Variants in LRRTM4 observed in about 807,000 individuals in gnomAD.
The protein encoded by LRRTM4 is leucine-rich repeat transmembrane neuronal protein 4.
Under a neutral mutation model 47.6 loss-of-function variants are expected in LRRTM4, and 25 were observed. That is an observed-to-expected ratio of 0.53 (90% CI 0.38 to 0.73). LRRTM4 has a LOEUF of 0.73. LRRTM4 is among the 30% of genes least tolerant of loss of function. LRRTM4 has a pLI of 0.00. For missense variants in LRRTM4, 638 were observed against 713.4 expected, an observed-to-expected ratio of 0.89 and a Z score of 1.20; for synonymous variants, 311 against 269.5, an observed-to-expected ratio of 1.15 and a Z score of -1.51.
Position 77,521,765 on chromosome 2 carries a change from G to A in LRRTM4, c.-94C>T, listed in dbSNP as rs564352006. 16 of 1,420,324 alleles carry A rather than the reference G, an allele frequency of 1.1e-5. No individual in the cohort carries two copies. In the African/African-American group the frequency reaches 1.3e-4, roughly 11 times the overall value. 88.0% of individuals were successfully genotyped at this position (1,420,324 alleles called of 1,614,324 possible). A position where few individuals can be genotyped will look rare whatever the true frequency, so the allele number is the denominator to read the frequency against. ...CACCACCACCTTCATGACACAGTGC[G>A]GCTGTCATTCACACCATTCTGATCC... On this transcript the variant is annotated 5_prime_UTR_variant, in exon 2 of 4. Coordinates refer to ENST00000409884, the MANE Select transcript of LRRTM4 (RefSeq NM_001134745.3).
intron 3 of LRRTM4, among the ~76,000 whole-genome samples, chr2:76,891,819 T>C (rs1217784305): frequency 6.6e-6 from 1 of 151,692 alleles, no homozygotes; most frequent in Non-Finnish European, 1.5e-5. Flanking sequence ...GCCTTTCTAA[T>C]TACAACTCAA....
At chr2:77,087,701 C>T (rs1050449268) in intron 3 of LRRTM4, among the ~76,000 whole-genome samples, 1 of 151,916 alleles carries the variant, frequency 6.6e-6, no homozygotes, top group African/African-American at 2.4e-5. Context: ...TGGATGCATA[C>T]AAAATTAGTA....
At chr2:76,797,467 A>G (rs188895336) in intron 3 of LRRTM4, among the ~76,000 whole-genome samples, 75,532 of 151,634 alleles carry the variant, frequency 0.5, 19,636 homozygotes, top group East Asian at 0.68. Flanking sequence ...TGAAGAAAGC[A>G]CTAAACATGG....
chr2:77,203,163 A>G (rs566188620), intron 3 of LRRTM4, among the ~76,000 whole-genome samples: 1 of 152,134 alleles, frequency 6.6e-6, no homozygotes, highest in East Asian at 1.9e-4. Flanking sequence ...TGAGTTCCTT[A>G]GCAGTGAGAA....
chr2:77,000,846 G>A (rs1282427003), intron 3 of LRRTM4, among the ~76,000 whole-genome samples: 3 of 151,982 alleles, frequency 2.0e-5, no homozygotes, highest in Admixed American at 6.6e-5. Flanking sequence ...CCTCCATGGT[G>A]GCTGTGGAGG....
intron 3 of LRRTM4, among the ~76,000 whole-genome samples, chr2:77,168,354 T>C (rs891704066): frequency 1.2e-4 from 18 of 152,206 alleles, no homozygotes; most frequent in Admixed American, 3.3e-4. Context: ...GCTGTGTCTC[T>C]CCTTTTCTAC....
chr2:77,501,337 T>C (rs1293413457), intron 3 of LRRTM4, among the ~76,000 whole-genome samples: 1 of 150,748 alleles, frequency 6.6e-6, no homozygotes, highest in African/African-American at 2.4e-5. Flanking sequence ...CATATATGAA[T>C]ACATAGTCCA....
intron 3 of LRRTM4, among the ~76,000 whole-genome samples, chr2:76,764,918 C>A (rs1263498678): frequency 6.6e-6 from 1 of 152,184 alleles, no homozygotes; most frequent in Non-Finnish European, 1.5e-5. Context: ...ACAAGCCAGG[C>A]TGTTTCTGCC....
chr2:77,261,322 T>C (rs1161427625), intron 3 of LRRTM4, among the ~76,000 whole-genome samples: 1 of 152,146 alleles, frequency 6.6e-6, no homozygotes, highest in African/African-American at 2.4e-5. Context: ...CACGGTCATA[T>C]ATGCTCTAGT....
At chr2:77,272,200 T>G (rs1378046471) in intron 3 of LRRTM4, among the ~76,000 whole-genome samples, 3 of 152,226 alleles carry the variant, frequency 2.0e-5, no homozygotes, top group Admixed American at 6.5e-5. Context: ...GTAATAATTT[T>G]GGGGTTTTAT....
chr2:77,065,993 C>G (rs1679937599), intron 3 of LRRTM4, among the ~76,000 whole-genome samples: 1 of 152,078 alleles, frequency 6.6e-6, no homozygotes, highest in Admixed American at 6.6e-5. Flanking sequence ...TAGATCTATA[C>G]AGTATGGAAT....
At chr2:77,399,838 T>C (rs1673870380) in intron 3 of LRRTM4, among the ~76,000 whole-genome samples, 1 of 151,880 alleles carries the variant, frequency 6.6e-6, no homozygotes, top group African/African-American at 2.4e-5. Context: ...AGATGTGCAT[T>C]GAAATTGGGA....
intron 3 of LRRTM4, among the ~76,000 whole-genome samples, chr2:76,834,061 G>C (rs943572827): frequency 2.6e-5 from 3 of 114,120 alleles, no homozygotes; most frequent in Non-Finnish European, 3.8e-5. Context: ...TTTATTTTGA[G>C]ATGGAGTCTT....
chr2:77,388,773 C>T (rs1368429804), intron 3 of LRRTM4, among the ~76,000 whole-genome samples: 1 of 151,880 alleles, frequency 6.6e-6, no homozygotes, highest in Non-Finnish European at 1.5e-5. Context: ...AATTGTCATT[C>T]ACTGAAATAT....
chr2:77,391,381 A>G (rs1673498978), intron 3 of LRRTM4, among the ~76,000 whole-genome samples: 1 of 151,994 alleles, frequency 6.6e-6, no homozygotes, highest in African/African-American at 2.4e-5. Flanking sequence ...TACTTTTTAA[A>G]CACTGTGTAT....
chr2:77,521,722 G>A lies in LRRTM4; in HGVS notation c.-51C>T. ...CCCTCTCTCAGCTTTCTTCTTATTT[G>A]GTCTCTTGTGCGGAAACCACCACCA... On this transcript the variant is annotated 5_prime_UTR_variant, in exon 2 of 4. It introduces an in-frame stop codon into an upstream open reading frame of the 5' UTR. Coordinates refer to ENST00000409884, the MANE Select transcript of LRRTM4 (RefSeq NM_001134745.3). 1 of 1,609,582 alleles carries A rather than the reference G, an allele frequency of 6.2e-7. No individual in the cohort carries two copies. The highest frequency in any genetic ancestry group is 1.7e-4 in the Middle Eastern group (1 of 6,052).
At chr2:77,150,701 G>C (rs962291351) in intron 3 of LRRTM4, among the ~76,000 whole-genome samples, 14 of 152,146 alleles carry the variant, frequency 9.2e-5, no homozygotes, top group Non-Finnish European at 2.9e-5. Context: ...TAAAAGAACA[G>C]CCTGGGTGGC....
chr2:77,338,586 A>T (rs1273388027), intron 3 of LRRTM4, among the ~76,000 whole-genome samples: 1 of 152,196 alleles, frequency 6.6e-6, no homozygotes, highest in South Asian at 2.1e-4. Context: ...AAAAGAAAAC[A>T]AAAAAACAGA....
chr2:77,080,363 A>G (rs981470474), intron 3 of LRRTM4, among the ~76,000 whole-genome samples: 7 of 151,970 alleles, frequency 4.6e-5, no homozygotes, highest in Non-Finnish European at 1.5e-5. Context: ...CAGTCTGCAC[A>G]CTCTCACTGT....
Sources: gnomAD v4.1 joint callset for allele counts (sites outside exome capture counted in the v4.1 genomes callset) on GRCh38, gnomAD v4.1.1 for gene constraint, MANE v1.5 for transcripts, NCBI Gene and HGNC (gene_info 2026-07-23, HGNC 2026-07-21) for gene names.